SNX4: variants seen among roughly 807,000 people sequenced by gnomAD.
SNX4 encodes sorting nexin-4.
SNX4 carries 49 observed loss-of-function variants against 70.8 expected under a neutral mutation model. The ratio of observed to expected loss-of-function variants is 0.69; its 90% CI spans 0.55 to 0.88. The LOEUF is 0.88. SNX4 is among the 40% of genes least tolerant of loss of function. The probability of loss-of-function intolerance (pLI) is 0.00; values close to 1 mark genes in which losing one functional copy is unlikely to be tolerated. For synonymous variants in SNX4, 206 were observed against 183.8 expected (o/e 1.12, Z -0.98); for missense variants, 528 against 544.8 (o/e 0.97, Z 0.31).
chr3:125,451,333 G>C lies in SNX4; in HGVS notation c.1277C>G (p.Ala426Gly). Residue 426 changes from alanine (A) to glycine (G), a missense_variant, in exon 13 of 14, where the codon GCA becomes GGA. By Grantham distance (60) the Ala-to-Gly change is moderately conservative. This residue lies in a region of SNX4 where 159 missense variants were observed against 172.6 expected (regional missense o/e 0.92). Transcript: ENST00000251775. ...RDLKEALISY[A>G]VMQISMCKKG... The stretch of plus-strand genomic sequence containing the variant: ...TTTGCACATACTGATCTGCATGACT[G>C]CATAGCTTATGAGGGCCTCCTTTAA... 1 of 1,613,314 alleles carries C rather than the reference G, an allele frequency of 6.2e-7. No individual in the cohort carries two copies. Among genetic ancestry groups the C allele is most frequent in the Admixed American group, 1.7e-5 (1 of 60,006 alleles).
At chr3:125,473,480 A>C (rs925629564) in intron 8 of SNX4, among the ~76,000 whole-genome samples, 1 of 151,980 alleles carries the variant, frequency 6.6e-6, no homozygotes, top group African/African-American at 2.4e-5. Context: ...CAGCAGCACA[A>C]TCTCGGCTCA....
At chr3:125,500,203 A>G (rs1342457133) in intron 2 of SNX4, among the ~76,000 whole-genome samples, 1 of 152,144 alleles carries the variant, frequency 6.6e-6, no homozygotes, top group Non-Finnish European at 1.5e-5. Flanking sequence ...CAACTATTCA[A>G]TAGTACCTAA....
At chr3:125,472,188 A>G (rs1253239166) in intron 8 of SNX4, among the ~76,000 whole-genome samples, 3 of 152,230 alleles carry the variant, frequency 2.0e-5, no homozygotes, top group Admixed American at 6.5e-5. Context: ...TATATTGAAA[A>G]AATTTCAATT....
intron 5 of SNX4, 134 bp from the exon 6 acceptor site, chr3:125,489,597 A>G: frequency 4.4e-6 from 3 of 680,564 alleles, no homozygotes; most frequent in Non-Finnish European, 5.1e-6. Flanking sequence ...CACATTAAAC[A>G]TGCCTAAAAA....
Position 125,480,253 on chromosome 3 carries a change from G to T in SNX4, c.720C>A (p.Val240=). ...LQSVISHLLR[V]RARVADRLYG... Reference sequence around the variant, plus strand: ...GCTTTTGGGGACCACTTACAGCTCTGACTCGAAGAAGATGTGAGATGACAG... The same window carrying T: ...GCTTTTGGGGACCACTTACAGCTCTTACTCGAAGAAGATGTGAGATGACAG... The change falls in exon 7 of 14, where the codon GTC becomes GTA. Residue 240 remains valine (V), a synonymous_variant. Transcript: ENST00000251775. The T allele has an allele frequency of 6.4e-7, 1 of 1,558,556 alleles. No homozygotes were observed. Among genetic ancestry groups the T allele is most frequent in the South Asian group, 1.2e-5 (1 of 81,690 alleles).
intron 11 of SNX4, among the ~76,000 whole-genome samples, chr3:125,455,634 TC>T (rs1933691838): frequency 1.3e-5 from 2 of 152,186 alleles, no homozygotes; most frequent in African/African-American, 4.8e-5. Context: ...TATACATGTG[TC>T]CTGGTCACAA....
At position 125,497,278 on chromosome 3, in the gene SNX4, A is replaced by G. The variant is rs1934816599; in HGVS notation, c.597+63T>C. On this transcript the variant is annotated intron_variant, in intron 5 of 13. Coordinates refer to ENST00000251775, the MANE Select transcript of SNX4 (RefSeq NM_003794.4). ...TTCAATAAATACCAAGTTCCCAATG[A>G]GTGCATGGCACCATGCTGGGAACTG... The G allele has an allele frequency of 3.3e-6, 3 of 916,902 alleles. No individual in the cohort carries two copies. In the African/African-American group the frequency reaches 5.1e-5, roughly 16 times the overall value. The allele number at this position is 916,902 out of a possible 1,614,324, so 56.8% of individuals were successfully genotyped here. A position where few individuals can be genotyped will look rare whatever the true frequency, so the allele number is the denominator to read the frequency against.
intron 1 of SNX4, among the ~76,000 whole-genome samples, chr3:125,509,404 T>G (rs1935119684): frequency 2.6e-5 from 4 of 151,050 alleles, no homozygotes; most frequent in Admixed American, 2.6e-4. Flanking sequence ...AAGAAAGTAT[T>G]TTCTCTCACG....
intron 1 of SNX4, among the ~76,000 whole-genome samples, chr3:125,512,611 G>T (rs1396255490): frequency 6.6e-6 from 1 of 152,098 alleles, no homozygotes. Flanking sequence ...CTTGTTGAAT[G>T]GCAGATGAGA....
At chr3:125,477,373 C>T (rs1934310426) in intron 7 of SNX4, among the ~76,000 whole-genome samples, 1 of 152,152 alleles carries the variant, frequency 6.6e-6, no homozygotes, top group African/African-American at 2.4e-5. Flanking sequence ...AACAGAATTA[C>T]AATTTACATC....
chr3:125,473,169 A>G (rs932245223), intron 8 of SNX4, among the ~76,000 whole-genome samples: 1 of 151,566 alleles, frequency 6.6e-6, no homozygotes, highest in African/African-American at 2.4e-5. Flanking sequence ...TAGTTTGTCA[A>G]CCCTTGTCTC....
Position 125,461,593 on chromosome 3 carries a change from C to T in SNX4, c.855-733G>A, listed in dbSNP as rs1177598861. Among the ~76,000 whole-genome samples, 4 of 151,708 alleles carry T rather than the reference C, an allele frequency of 2.6e-5. No homozygotes were observed. In the South Asian group the frequency reaches 8.3e-4, roughly 32 times the overall value. ...GTTGCAATTATTTATTATAATGATG[C>T]CAAATAGCTACAAAAGAAAAAGTAG... On this transcript the variant is annotated intron_variant, in intron 9 of 13. Transcript: ENST00000251775.
chr3:125,491,429 G>A (rs922003189), intron 5 of SNX4, among the ~76,000 whole-genome samples: 17 of 152,042 alleles, frequency 1.1e-4, no homozygotes, highest in Admixed American at 9.8e-4. Context: ...TTTAACACCA[G>A]CAATTTATTT....
intron 1 of SNX4, among the ~76,000 whole-genome samples, chr3:125,516,506 T>A (rs1475861335): frequency 6.6e-6 from 1 of 152,198 alleles, no homozygotes; most frequent in Non-Finnish European, 1.5e-5. Flanking sequence ...TGGGGTAGGA[T>A]AATTGGTATA....
At chr3:125,487,500 C>A (rs1168645693) in intron 6 of SNX4, among the ~76,000 whole-genome samples, 2 of 151,976 alleles carry the variant, frequency 1.3e-5, no homozygotes, top group African/African-American at 4.8e-5. Context: ...TAGTATTAAT[C>A]AAAAATATTA....
chr3:125,502,947 C>A (rs1447676377), intron 2 of SNX4, among the ~76,000 whole-genome samples: 1 of 146,548 alleles, frequency 6.8e-6, no homozygotes, highest in African/African-American at 2.5e-5. Context: ...TTTGAGACAG[C>A]CTCTCGCTCT....
At chr3:125,487,594 T>G (rs1340868966) in intron 6 of SNX4, among the ~76,000 whole-genome samples, 2 of 152,126 alleles carry the variant, frequency 1.3e-5, no homozygotes, top group Non-Finnish European at 2.9e-5. Context: ...TTCCAGAGCT[T>G]TTTTTGAGGG....
chr3:125,507,450 G>A (rs1013253359), intron 1 of SNX4, among the ~76,000 whole-genome samples: 1 of 152,002 alleles, frequency 6.6e-6, no homozygotes, highest in African/African-American at 2.4e-5. Context: ...AGTAAGGAGA[G>A]GGGAGAGAGA....
At position 125,451,404 on chromosome 3, in the gene SNX4, G is replaced by A. The variant is rs752149134; in HGVS notation, c.1206C>T (p.Asn402=). The change falls in exon 13 of 14, where the codon AAC becomes AAT. Residue 402 remains asparagine (N), a synonymous_variant. Transcript: ENST00000251775. ...TGAAGCGTTCAATATCAGCCCATGCGTTTTTCACAAATTCTCTGAAATAAA... is the reference window on the plus strand; with the variant it reads ...TGAAGCGTTCAATATCAGCCCATGCATTTTTCACAAATTCTCTGAAATAAA... ...KNLEGREFVK[N]AWADIERFKE... The A allele has an allele frequency of 4.3e-6, 7 of 1,611,424 alleles. No homozygotes were observed. Among genetic ancestry groups the A allele is most frequent in the East Asian group, 4.5e-5 (2 of 44,822 alleles).
Sources: gnomAD v4.1 joint callset for allele counts (sites outside exome capture counted in the v4.1 genomes callset) on GRCh38, gnomAD v4.1.1 for gene constraint, gnomAD v4.1.1 regional missense constraint, MANE v1.5 for transcripts, NCBI Gene and HGNC (gene_info 2026-07-23, HGNC 2026-07-21) for gene names.